The following IMMP1L variants were observed in gnomAD, a reference collection of about 807,000 sequenced individuals.
The protein encoded by IMMP1L is inner mitochondrial membrane peptidase subunit 1.
Under a neutral mutation model 21.8 loss-of-function variants are expected in IMMP1L, and 24 were observed. The ratio of observed to expected loss-of-function variants is 1.10; its 90% CI spans 0.80 to 1.55. IMMP1L has a LOEUF of 1.55. IMMP1L is among the 40% of genes most tolerant of loss of function. IMMP1L has a pLI of 0.00. For missense variants in IMMP1L, 195 were observed against 200.7 expected (o/e 0.97, Z 0.17); for synonymous variants, 46 against 62.8 (o/e 0.73, Z 1.26).
Position 31,449,498 on chromosome 11 carries a change from G to A in IMMP1L, c.321+6762C>T, listed in dbSNP as rs77930987. Reference sequence around the variant, plus strand: ...TTTATTTAAATATTTTCTAATACACGGTAAAACAGCTTTATTATTGCCATA... The same window carrying A: ...TTTATTTAAATATTTTCTAATACACAGTAAAACAGCTTTATTATTGCCATA... On this transcript the variant is annotated intron_variant, in intron 4 of 5. Transcript: ENST00000532287. Among the ~76,000 whole-genome samples the A allele has an allele frequency of 2.2e-4, 33 of 151,938 alleles. No homozygotes were observed. The East Asian group carries it at 6.2e-3, about 28-fold the overall frequency.
intron 4 of IMMP1L, chr11:31,452,415 A>C (rs1953787136): frequency 1.0e-6 from 1 of 985,330 alleles, no homozygotes; most frequent in South Asian, 4.7e-5. Context: ...AAGGGAATTA[A>C]ATAGAGGTTT....
chr11:31,484,945 T>C (rs1955024147), intron 1 of IMMP1L, among the ~76,000 whole-genome samples: 1 of 151,866 alleles, frequency 6.6e-6, no homozygotes, highest in Admixed American at 6.6e-5. Context: ...TCATATAAAC[T>C]CAGTAAATCA....
chr11:31,479,900 A>G (rs1954837778), intron 1 of IMMP1L, among the ~76,000 whole-genome samples: 3 of 152,056 alleles, frequency 2.0e-5, no homozygotes, highest in Admixed American at 1.3e-4. Flanking sequence ...CTTAGTAAAG[A>G]AAGTATAAAA....
At chr11:31,478,728 C>T (rs1269622165) in intron 1 of IMMP1L, among the ~76,000 whole-genome samples, 1 of 152,048 alleles carries the variant, frequency 6.6e-6, no homozygotes, top group Non-Finnish European at 1.5e-5. Flanking sequence ...TTTTCTCTAA[C>T]TCATACTTGT....
At chr11:31,496,466 T>C (rs373987046) in intron 1 of IMMP1L, among the ~76,000 whole-genome samples, 4 of 152,122 alleles carry the variant, frequency 2.6e-5, no homozygotes, top group Admixed American at 6.5e-5. Flanking sequence ...AGCAATTCCA[T>C]TGTATGGTAT....
At chr11:31,466,412 A>G (rs1224821253) in intron 1 of IMMP1L, among the ~76,000 whole-genome samples, 2 of 152,148 alleles carry the variant, frequency 1.3e-5, no homozygotes, top group African/African-American at 4.8e-5. Context: ...TATTAATCCG[A>G]AAGAAAGGAA....
chr11:31,432,553 C>T lies in IMMP1L; in HGVS notation c.448G>A (p.Asp150Asn). Residue 150 changes from aspartate to asparagine, a missense_variant, in exon 6 of 6, where the codon GAT becomes AAT. By Grantham distance (23) the Asp-to-Asn change is conservative. Transcript: ENST00000532287. ...RIFFKIWPLS[D>N]FGFLRASPNG... ...GGGCTGGCACGTAAAAATCCAAAAT[C>T]ACTCAGAGGCCAAATCTGTAAAATC... is the stretch of plus-strand genomic sequence containing the variant. 8.1e-6 allele frequency: 13 copies of T among 1,611,814 alleles called. No homozygotes were observed. Among genetic ancestry groups the T allele is most frequent in the African/African-American group, 1.3e-5 (1 of 74,974 alleles).
chr11:31,478,366 C>T (rs1291961025), intron 1 of IMMP1L, among the ~76,000 whole-genome samples: 2 of 152,124 alleles, frequency 1.3e-5, no homozygotes, highest in Non-Finnish European at 2.9e-5. Context: ...CTTTTTTATT[C>T]TGTGCTTCTA....
intron 1 of IMMP1L, among the ~76,000 whole-genome samples, chr11:31,508,418 G>C (rs758290634): frequency 6.6e-5 from 10 of 152,160 alleles, no homozygotes; most frequent in Non-Finnish European, 1.2e-4. Flanking sequence ...TATTTATTGA[G>C]TAACTTAAAG....
intron 2 of IMMP1L, 63 bp from the exon 3 acceptor site, chr11:31,460,777 T>A: frequency 9.0e-7 from 1 of 1,113,346 alleles, no homozygotes; most frequent in Non-Finnish European, 1.3e-6. Flanking sequence ...CATAAATCTT[T>A]TAAGCAAGCT....
At chr11:31,432,595 C>T (rs1403428219) in intron 5 of IMMP1L, 27 bp from the exon 6 acceptor site, 1 of 1,500,704 alleles carries the variant, frequency 6.7e-7, no homozygotes, top group Non-Finnish European at 9.3e-7. Flanking sequence ...AGGTTGAAGA[C>T]AATTAGTGAA....
intron 4 of IMMP1L, among the ~76,000 whole-genome samples, chr11:31,446,333 T>A (rs528092527): frequency 8.5e-5 from 13 of 152,334 alleles, no homozygotes; most frequent in Admixed American, 2.6e-4. Flanking sequence ...CAGGCTCTCC[T>A]AATCCTAGCC....
chr11:31,447,665 G>A (rs937690562), intron 4 of IMMP1L, among the ~76,000 whole-genome samples: 2 of 152,174 alleles, frequency 1.3e-5, no homozygotes, highest in East Asian at 1.9e-4. Context: ...TTTTCTTAAA[G>A]TAATTATGAA....
chr11:31,471,471 T>C (rs1182000613), intron 1 of IMMP1L, among the ~76,000 whole-genome samples: 2 of 152,160 alleles, frequency 1.3e-5, no homozygotes, highest in East Asian at 1.9e-4. Context: ...ATCTTAAAGA[T>C]GCTAAATTAA....
chr11:31,473,871 G>GTA (rs1289487860), intron 1 of IMMP1L: 6 of 278,494 alleles, frequency 2.2e-5, no homozygotes, highest in East Asian at 1.8e-4. Flanking sequence ...CATTATATAT[G>GTA]TATATATATG....
At chr11:31,445,932 G>T (rs556928518) in intron 4 of IMMP1L, among the ~76,000 whole-genome samples, 1 of 152,224 alleles carries the variant, frequency 6.6e-6, no homozygotes, top group East Asian at 1.9e-4. Flanking sequence ...ATCAAGGAGG[G>T]AATAGCAAAG....
intron 1 of IMMP1L, among the ~76,000 whole-genome samples, chr11:31,494,190 A>T (rs1193107370): frequency 6.6e-6 from 1 of 152,226 alleles, no homozygotes; most frequent in East Asian, 1.9e-4. Context: ...CCTGCAGCAG[A>T]CTTCTGCCTG....
intron 4 of IMMP1L, among the ~76,000 whole-genome samples, chr11:31,435,209 G>A (rs1485703684): frequency 2.0e-5 from 3 of 152,032 alleles, no homozygotes; most frequent in Non-Finnish European, 4.4e-5. Context: ...AACAATCTAG[G>A]GATATCTTTG....
At chr11:31,469,441 A>G (rs1954472548) in intron 1 of IMMP1L, among the ~76,000 whole-genome samples, 1 of 152,220 alleles carries the variant, frequency 6.6e-6, no homozygotes. Flanking sequence ...ACACAATACT[A>G]CAAAATAAAA....
Sources: gnomAD v4.1 joint callset for allele counts (sites outside exome capture counted in the v4.1 genomes callset) on GRCh38, gnomAD v4.1.1 for gene constraint, MANE v1.5 for transcripts, NCBI Gene and HGNC (gene_info 2026-07-23, HGNC 2026-07-21) for gene names.